PTPRD: variants seen among roughly 807,000 people sequenced by gnomAD.
PTPRD encodes receptor-type tyrosine-protein phosphatase delta.
PTPRD carries 34 observed loss-of-function variants against 214.5 expected under a neutral mutation model. That is an observed-to-expected ratio of 0.16 (90% CI 0.12 to 0.21). The LOEUF (loss-of-function observed/expected upper bound fraction) is 0.21, where lower values mean the gene tolerates loss of function less well. Among genes scored for constraint, PTPRD ranks in the 10% least tolerant of loss-of-function variants. The pLI is 1.00. For synonymous variants in PTPRD, 1,128 were observed against 845.7 expected (o/e 1.33, Z -5.79); for missense variants, 2,545 against 2,398.7 (o/e 1.06, Z -1.27).
intron 10 of PTPRD, among the ~76,000 whole-genome samples, chr9:9,019,459 C>T (rs915035588): frequency 6.6e-6 from 1 of 152,152 alleles, no homozygotes; most frequent in Non-Finnish European, 1.5e-5. Context: ...TATCCCAGGA[C>T]TTGGGGAGGC....
intron 14 of PTPRD, among the ~76,000 whole-genome samples, chr9:8,534,237 T>G (rs1325158153): frequency 2.0e-5 from 3 of 151,936 alleles, no homozygotes; most frequent in Non-Finnish European, 2.9e-5. Flanking sequence ...GTCAGAAGCA[T>G]GACCACATGA....
At chr9:9,944,101 G>T (rs16930660) in intron 4 of PTPRD, among the ~76,000 whole-genome samples, 4 of 152,074 alleles carry the variant, frequency 2.6e-5, no homozygotes, top group Non-Finnish European at 5.9e-5. Flanking sequence ...TAGCCTGTTA[G>T]TCACAAGACA....
At chr9:8,667,011 C>G (rs1161915236) in intron 12 of PTPRD, among the ~76,000 whole-genome samples, 1 of 152,024 alleles carries the variant, frequency 6.6e-6, no homozygotes. Context: ...TAATTATACA[C>G]AAAAATAAAG....
At chr9:10,482,236 T>G (rs180787201) in intron 2 of PTPRD, among the ~76,000 whole-genome samples, 1 of 151,782 alleles carries the variant, frequency 6.6e-6, no homozygotes, top group Non-Finnish European at 1.5e-5. Context: ...CCGGGCGTGG[T>G]GGCGGGTGCC....
At chr9:8,738,536 C>T (rs888931783) in intron 11 of PTPRD, among the ~76,000 whole-genome samples, 3 of 151,236 alleles carry the variant, frequency 2.0e-5, no homozygotes, top group African/African-American at 7.3e-5. Context: ...AGGAAGTTGT[C>T]GGAACTACTA....
At position 8,743,665 on chromosome 9, in the gene PTPRD, G is replaced by C. The variant is rs114773805; in HGVS notation, c.-103-9719C>G. Among the ~76,000 whole-genome samples the C allele has an allele frequency of 4.8e-3, 737 of 152,076 alleles. 7 individuals carry two copies. The highest frequency in any genetic ancestry group is 0.017 in the African/African-American group (711 of 41,508). On this transcript the variant is annotated intron_variant, in intron 11 of 45. Transcript: ENST00000381196. ...GTAACAATTCTAGAAGATAACATCA[G>C]AAAAACCCTTCTAGACATCGGCTTA...
chr9:10,311,296 A>G (rs2096260644), intron 3 of PTPRD, among the ~76,000 whole-genome samples: 1 of 151,978 alleles, frequency 6.6e-6, no homozygotes, highest in Non-Finnish European at 1.5e-5. Context: ...TAACCTTTAT[A>G]CTGATCAAGA....
At chr9:10,480,607 C>T (rs960505588) in intron 2 of PTPRD, among the ~76,000 whole-genome samples, 16 of 151,888 alleles carry the variant, frequency 1.1e-4, no homozygotes, top group Non-Finnish European at 2.1e-4. Context: ...AAAATATTAT[C>T]TCAAAGAAGA....
At chr9:8,588,890 T>A (rs981261174) in intron 14 of PTPRD, among the ~76,000 whole-genome samples, 4 of 152,134 alleles carry the variant, frequency 2.6e-5, no homozygotes, top group Non-Finnish European at 5.9e-5. Flanking sequence ...AAATAGAGAT[T>A]CTTGGACCAT....
chr9:8,515,279 G>A (rs2097763542), intron 21 of PTPRD, among the ~76,000 whole-genome samples: 2 of 152,102 alleles, frequency 1.3e-5, no homozygotes, highest in African/African-American at 4.8e-5. Context: ...CTGCCTAATT[G>A]GTTTGTGAGA....
chr9:9,048,945 T>C (rs2099679180), intron 10 of PTPRD, among the ~76,000 whole-genome samples: 1 of 152,172 alleles, frequency 6.6e-6, no homozygotes, highest in Non-Finnish European at 1.5e-5. Flanking sequence ...GCATCTACTA[T>C]GTACCCAGAA....
At chr9:9,145,512 T>A (rs2099867126) in intron 10 of PTPRD, among the ~76,000 whole-genome samples, 1 of 152,156 alleles carries the variant, frequency 6.6e-6, no homozygotes, top group Admixed American at 6.6e-5. Flanking sequence ...AATTTCTAAG[T>A]TAAATATAAG....
chr9:10,017,985 T>C (rs1247670031), intron 4 of PTPRD, among the ~76,000 whole-genome samples: 1 of 152,188 alleles, frequency 6.6e-6, no homozygotes, highest in African/African-American at 2.4e-5. Flanking sequence ...AGGACTTAGC[T>C]TCTACCCAAG....
intron 2 of PTPRD, among the ~76,000 whole-genome samples, chr9:10,498,756 G>C (rs1462528688): frequency 1.6e-3 from 1 of 614 alleles, no homozygotes; most frequent in African/African-American, 1.7e-3. Context: ...CTTCTTGGCC[G>C]GGCGCGGTGG....
At chr9:9,171,306 G>A (rs2099915583) in intron 10 of PTPRD, among the ~76,000 whole-genome samples, 1 of 151,160 alleles carries the variant, frequency 6.6e-6, no homozygotes, top group Non-Finnish European at 1.5e-5. Context: ...GGGAAAACTG[G>A]TATGGGATGG....
At chr9:8,745,902 A>G (rs2092742052) in intron 11 of PTPRD, among the ~76,000 whole-genome samples, 1 of 151,764 alleles carries the variant, frequency 6.6e-6, no homozygotes, top group Admixed American at 6.6e-5. Flanking sequence ...GGCTCAAGCT[A>G]TCCTCCCGCC....
intron 3 of PTPRD, among the ~76,000 whole-genome samples, chr9:10,071,640 G>A (rs931472454): frequency 3.3e-5 from 5 of 151,940 alleles, no homozygotes; most frequent in Non-Finnish European, 7.4e-5. Context: ...CTCAAACAAG[G>A]ATTGTAGGTC....
intron 3 of PTPRD, among the ~76,000 whole-genome samples, chr9:10,265,834 G>A (rs1455584964): frequency 2.0e-5 from 3 of 152,152 alleles, no homozygotes; most frequent in African/African-American, 4.8e-5. Context: ...TGATCAAGAT[G>A]AGCTTATTAA....
At chr9:8,943,750 C>G (rs1378999093) in intron 11 of PTPRD, among the ~76,000 whole-genome samples, 1 of 150,754 alleles carries the variant, frequency 6.6e-6, no homozygotes. Context: ...TTAAAAAAAT[C>G]AAATCTAAAT....
Sources: allele counts gnomAD v4.1 joint callset (sites outside exome capture counted in the v4.1 genomes callset), GRCh38; gene constraint gnomAD v4.1.1; transcripts MANE v1.5; gene names NCBI Gene and HGNC (gene_info 2026-07-23, HGNC 2026-07-21).